Variants in SPMIP4 observed in about 807,000 individuals in gnomAD.
SPMIP4 encodes sperm microtubule inner protein 4, also known as sperm-associated microtubule inner protein 4.
chr7:25,154,035 AGAG>A, the SPMIP4 span, among the ~76,000 whole-genome samples: 1 of 152,242 alleles, frequency 6.6e-6, no homozygotes, highest in African/African-American at 2.4e-5. Context: ...GAAGCAGAAC[AGAG>A]GAGTTCAGAA....
the SPMIP4 span, among the ~76,000 whole-genome samples, chr7:25,126,785 T>G: frequency 2.6e-5 from 4 of 152,380 alleles, no homozygotes; most frequent in African/African-American, 9.6e-5. Context: ...GTGAGTTTTG[T>G]ACCTTCAGGT....
chr7:25,179,313 C>A, the SPMIP4 span: 1 of 1,602,334 alleles, frequency 6.2e-7, no homozygotes, highest in Admixed American at 1.7e-5. Flanking sequence ...TTCCATGCTT[C>A]TTGGCTAAAA....
the SPMIP4 span, among the ~76,000 whole-genome samples, chr7:25,146,166 G>C: frequency 3.3e-5 from 5 of 152,188 alleles, no homozygotes. Context: ...GAGAGAGATG[G>C]AGAGAGGGAG....
the SPMIP4 span, chr7:25,155,179 G>A: frequency 6.5e-7 from 1 of 1,549,320 alleles, no homozygotes; most frequent in South Asian, 1.2e-5. Flanking sequence ...ATTGGATATG[G>A]CAAGCAGATC....
At chr7:25,156,758 G>C in the SPMIP4 span, among the ~76,000 whole-genome samples, 4 of 152,176 alleles carry the variant, frequency 2.6e-5, no homozygotes, top group Non-Finnish European at 5.9e-5. Flanking sequence ...CAGGATCTCA[G>C]CTCACTGCAA....
At chr7:25,134,175 G>C in the SPMIP4 span, among the ~76,000 whole-genome samples, 2 of 151,764 alleles carry the variant, frequency 1.3e-5, no homozygotes, top group East Asian at 1.9e-4. Flanking sequence ...CAGGAGAATC[G>C]CTTGAACCCA....
the SPMIP4 span, chr7:25,155,142 C>CA: frequency 6.2e-7 from 1 of 1,610,664 alleles, no homozygotes; most frequent in South Asian, 1.1e-5. Flanking sequence ...GGCGCCGCGA[C>CA]AGATGTGTGT....
At chr7:25,137,694 T>C in the SPMIP4 span, among the ~76,000 whole-genome samples, 1 of 152,194 alleles carries the variant, frequency 6.6e-6, no homozygotes, top group South Asian at 2.1e-4. Context: ...GCAGCATGTC[T>C]ACCTCTAAAT....
chr7:25,126,010 A>C, the SPMIP4 span: 1 of 932,206 alleles, frequency 1.1e-6, no homozygotes, highest in Non-Finnish European at 1.3e-6. Flanking sequence ...TGCAATGATA[A>C]CATTTATGTA....
At chr7:25,134,333 TA>T in the SPMIP4 span, among the ~76,000 whole-genome samples, 1,510 of 129,818 alleles carry the variant, frequency 0.012, 18 homozygotes, top group Middle Eastern at 0.035. Context: ...ACACATTTTG[TA>T]AAAAAAAAAA....
the SPMIP4 span, chr7:25,135,903 C>G: frequency 2.0e-5 from 30 of 1,507,176 alleles, no homozygotes; most frequent in Admixed American, 6.8e-4. Flanking sequence ...TCCAGCAATA[C>G]GAAGGAAATT....
chr7:25,135,872 G>T, the SPMIP4 span: 2 of 1,461,446 alleles, frequency 1.4e-6, no homozygotes, highest in Admixed American at 2.7e-5. Flanking sequence ...AGGTCCTTGT[G>T]GTTTAATCTA....
chr7:25,150,666 T>C, the SPMIP4 span, among the ~76,000 whole-genome samples: 1 of 152,244 alleles, frequency 6.6e-6, no homozygotes, highest in Non-Finnish European at 1.5e-5. Context: ...ATTTATAATT[T>C]TCTCTTTTTA....
At chr7:25,158,564 T>C in the SPMIP4 span, 4 of 1,582,336 alleles carry the variant, frequency 2.5e-6, no homozygotes, top group East Asian at 2.2e-5. Context: ...TTCTAACTTA[T>C]ATTGAGGGCT....
chr7:25,150,032 G>A, the SPMIP4 span, among the ~76,000 whole-genome samples: 1 of 152,190 alleles, frequency 6.6e-6, no homozygotes, highest in Non-Finnish European at 1.5e-5. Context: ...GCCTTGGGAG[G>A]AGGGCATTCC....
At chr7:25,164,811 T>C in the SPMIP4 span, among the ~76,000 whole-genome samples, 40 of 152,322 alleles carry the variant, frequency 2.6e-4, no homozygotes, top group Non-Finnish European at 4.9e-4. Flanking sequence ...CCAGAGTCCA[T>C]TGTATCATTC....
At chr7:25,136,897 G>A in the SPMIP4 span, 2 of 1,117,588 alleles carry the variant, frequency 1.8e-6, no homozygotes, top group Admixed American at 4.5e-5. This position sits in a 1 kb window ranked among gnomAD's most constrained non-coding sequence, Gnocchi z 5.7. Context: ...ACACGAGATG[G>A]GCATAGGAGT....
chr7:25,134,391 A>C, the SPMIP4 span, among the ~76,000 whole-genome samples: 1 of 151,970 alleles, frequency 6.6e-6, no homozygotes, highest in South Asian at 2.1e-4. Flanking sequence ...CACACAAAAC[A>C]AAAAAATTGA....
At chr7:25,176,063 A>G in the SPMIP4 span, among the ~76,000 whole-genome samples, 1 of 152,238 alleles carries the variant, frequency 6.6e-6, no homozygotes, top group African/African-American at 2.4e-5. The surrounding 1 kb of genome is among the most constrained non-coding windows in gnomAD (Gnocchi z 4.4). Flanking sequence ...GGTTATACCT[A>G]GATAGAGCTT....
Sources: allele counts gnomAD v4.1 joint callset (sites outside exome capture counted in the v4.1 genomes callset), GRCh38; gene constraint gnomAD v4.1.1; non-coding constraint Gnocchi (gnomAD v3.1); transcripts MANE v1.5; gene names NCBI Gene and HGNC (gene_info 2026-07-23, HGNC 2026-07-21).